The following RANBP3 variants were observed in gnomAD, a reference collection of about 807,000 sequenced individuals.
The protein encoded by RANBP3 is ran-binding protein 3.
RANBP3 carries 14 observed loss-of-function variants against 77.3 expected under a neutral mutation model. The ratio of observed to expected loss-of-function variants is 0.18; its 90% CI spans 0.12 to 0.28. RANBP3 has a LOEUF of 0.28. Among genes scored for constraint, RANBP3 ranks in the 10% least tolerant of loss-of-function variants. RANBP3 has a pLI of 1.00. For synonymous variants in RANBP3, 315 were observed against 312.4 expected (o/e 1.01, Z -0.09); for missense variants, 586 against 752.3 (o/e 0.78, Z 2.59).
intron 8 of RANBP3, among the ~76,000 whole-genome samples, chr19:5,929,887 C>G (rs1250947728): frequency 6.6e-6 from 1 of 152,220 alleles, no homozygotes; most frequent in Non-Finnish European, 1.5e-5. Context: ...GGCTTTGGAG[C>G]CAGACGCAGG....
intron 3 of RANBP3, among the ~76,000 whole-genome samples, chr19:5,942,711 A>AC (rs1329759328): frequency 2.6e-5 from 4 of 151,616 alleles, no homozygotes; most frequent in Non-Finnish European, 4.4e-5. Flanking sequence ...AAAAAAAAAA[A>AC]AAAAAAAAAC....
rs1343243224 is a variant in RANBP3 at position 5,931,402 on chromosome 19, A to G, written c.693+2T>C. The G allele has an allele frequency of 6.2e-6, 10 of 1,606,766 alleles. No individual in the cohort carries two copies. Among genetic ancestry groups the G allele is most frequent in the Non-Finnish European group, 8.5e-6 (10 of 1,175,006 alleles). On this transcript the variant is annotated splice_donor_variant, in intron 8 of 16. Transcript: ENST00000340578. LOFTEE classifies it high-confidence loss of function. ...CGCTTCCCTGCCTCAGGACCCACTG[A>G]CCTCAAGTGCACACACCTCATCGGC... is the stretch of plus-strand genomic sequence containing the variant.
chr19:5,925,766 C>CG, intron 9 of RANBP3, 29 bp from the exon 10 acceptor site: 1 of 1,546,286 alleles, frequency 6.5e-7, no homozygotes, highest in Admixed American at 1.7e-5. Flanking sequence ...GCTCAGTAAT[C>CG]GGGGGTGGGG....
chr19:5,958,013 T>C lies in RANBP3; in HGVS notation c.23-40A>G. 3 of 1,565,984 alleles carry C rather than the reference T, an allele frequency of 1.9e-6. No individual in the cohort carries two copies. Among genetic ancestry groups the C allele is most frequent in the South Asian group, 1.1e-5 (1 of 89,984 alleles). Reference sequence around the variant, plus strand: ...ATTAGTTTTTTTCCCCCCAACACTATATGCATACAGTAAACAAAGCTACAC... The same window carrying C: ...ATTAGTTTTTTTCCCCCCAACACTACATGCATACAGTAAACAAAGCTACAC... On this transcript the variant is annotated intron_variant, in intron 1 of 16. Transcript: ENST00000340578. The surrounding 1 kb of genome is among the most constrained non-coding windows in gnomAD (Gnocchi z 4.4).
At position 5,931,551 on chromosome 19, in the gene RANBP3, T is replaced by C. The variant is rs1353151466; in HGVS notation, c.566-20A>G. ...TGGGGACTGTGGGAGGGAAGGAGAG[T>C]GGGGAATCACAGGTGCTTGGCGGCC... On this transcript the variant is annotated intron_variant, in intron 7 of 16. Coordinates refer to ENST00000340578, the MANE Select transcript of RANBP3 (RefSeq NM_007322.3). The C allele has an allele frequency of 1.5e-5, 24 of 1,593,246 alleles. No individual in the cohort carries two copies. Among genetic ancestry groups the C allele is most frequent in the Non-Finnish European group, 2.0e-5 (23 of 1,166,592 alleles).
chr19:5,968,961 A>T (rs904708991), intron 1 of RANBP3, among the ~76,000 whole-genome samples: 10 of 152,122 alleles, frequency 6.6e-5, no homozygotes, highest in African/African-American at 1.7e-4. Flanking sequence ...GGATGGTGGG[A>T]GAGAGTGAGT....
At chr19:5,941,519 G>A in intron 5 of RANBP3, 102 bp downstream of exon 5, 1 of 1,058,056 alleles carries the variant, frequency 9.5e-7, no homozygotes. Flanking sequence ...TCTAACCGGA[G>A]CTGGGCAGGA....
In RANBP3 at chr19:5,917,898, T is replaced by G. The variant is rs760837079; in HGVS notation, c.1556A>C (p.Gln519Pro). ...LALRSRVEQE[Q>P]EAKMPAPEPG... ...CTCAGGCGCGGGCATCTTGGCCTCC[T>G]GCTCCTGCTCCACGCGGCTGCGCAG... The change falls in exon 16 of 17, where the codon CAG becomes CCG. Residue 519 changes from glutamine (Q) to proline (P), a missense_variant. Around this residue, in one of 5 missense-constraint regions of RANBP3, gnomAD observed 128 missense variants for 157.0 expected, o/e 0.82. Transcript: ENST00000340578. The G allele has an allele frequency of 1.2e-6, 2 of 1,613,012 alleles. No individual in the cohort carries two copies. The highest frequency in any genetic ancestry group is 1.3e-5 in the African/African-American group (1 of 75,064).
At chr19:5,943,648 G>A (rs2058167466) in intron 3 of RANBP3, among the ~76,000 whole-genome samples, 1 of 152,170 alleles carries the variant, frequency 6.6e-6, no homozygotes, top group Admixed American at 6.5e-5. Context: ...GACAACATGG[G>A]TTTGTGTGGG....
chr19:5,918,688 C>T (rs769263764), intron 14 of RANBP3, 50 bp from the exon 15 acceptor site: 5 of 1,595,150 alleles, frequency 3.1e-6, no homozygotes, highest in Non-Finnish European at 2.6e-6. Flanking sequence ...GGCCCCCTCA[C>T]AAACAGCCAG....
chr19:5,917,557 G>A lies in RANBP3; in HGVS notation c.*53C>T, dbSNP rs557592588. The A allele has an allele frequency of 9.9e-6, 15 of 1,508,872 alleles. 1 individual carries two copies. Among genetic ancestry groups the A allele is most frequent in the South Asian group, 8.8e-5 (7 of 79,666 alleles). 93.5% of individuals were successfully genotyped at this position (1,508,872 alleles called of 1,614,324 possible). On this transcript the variant is annotated 3_prime_UTR_variant, in exon 17 of 17. Transcript: ENST00000340578. ...GCCGGTGGGGTGGGGGCGGGTGGGC[G>A]GGTGGATAGACGGACAAAGCAGCAG...
rs754314975 is a variant in RANBP3 at position 5,924,803 on chromosome 19, A to T, written c.996+24T>A. 2 of 1,607,040 alleles carry T rather than the reference A, an allele frequency of 1.2e-6. No individual in the cohort carries two copies. Among genetic ancestry groups the T allele is most frequent in the South Asian group, 2.2e-5 (2 of 90,942 alleles). On this transcript the variant is annotated intron_variant, in intron 11 of 16. Transcript: ENST00000340578. This position sits in a 1 kb window ranked among gnomAD's most constrained non-coding sequence, Gnocchi z 4.7. ...GCGCCGAGAGCCTCTGGTCCCTGAGAACATTCCCAACACAGCCACTCACCA... is the reference window on the plus strand; with the variant it reads ...GCGCCGAGAGCCTCTGGTCCCTGAGTACATTCCCAACACAGCCACTCACCA...
At chr19:5,953,204 C>T (rs2058296190) in intron 2 of RANBP3, among the ~76,000 whole-genome samples, 1 of 152,184 alleles carries the variant, frequency 6.6e-6, no homozygotes, top group African/African-American at 2.4e-5. Flanking sequence ...CTTCCTCTCT[C>T]AGATGGGAGA....
At chr19:5,917,747 CG>C (rs768987334) in intron 16 of RANBP3, 46 bp downstream of exon 16, 7 of 1,584,000 alleles carry the variant, frequency 4.4e-6, no homozygotes, top group South Asian at 1.1e-5. Context: ...TCAAGGATGG[CG>C]GGCAGCTCTT....
At chr19:5,963,974 T>A (rs2058434104) in intron 1 of RANBP3, among the ~76,000 whole-genome samples, 1 of 150,546 alleles carries the variant, frequency 6.6e-6, no homozygotes, top group East Asian at 2.0e-4. Flanking sequence ...CCAGGGAGAG[T>A]CCCCTGCTGC....
intron 2 of RANBP3, 82 bp from the exon 3 acceptor site, chr19:5,951,678 C>G (rs2058278236): frequency 6.1e-6 from 8 of 1,301,854 alleles, no homozygotes; most frequent in African/African-American, 5.9e-5. Context: ...GGGTCAGAGG[C>G]TGGAGCTGGC....
intron 3 of RANBP3, among the ~76,000 whole-genome samples, chr19:5,948,342 C>T (rs1272340690): frequency 6.6e-6 from 1 of 152,028 alleles, no homozygotes; most frequent in Non-Finnish European, 1.5e-5. Context: ...GTCCCAGCTA[C>T]TCAGGAGGCT....
chr19:5,954,346 T>C (rs2058310530), intron 2 of RANBP3, among the ~76,000 whole-genome samples: 2 of 152,108 alleles, frequency 1.3e-5, no homozygotes, highest in Admixed American at 1.3e-4. Flanking sequence ...GAGGGGCAAT[T>C]AGGACAATTT....
intron 7 of RANBP3, 116 bp from the exon 8 acceptor site, chr19:5,931,647 C>A: frequency 9.0e-7 from 1 of 1,108,258 alleles, no homozygotes; most frequent in East Asian, 2.6e-5. Flanking sequence ...TGGTAAAGCC[C>A]ACAGCACATG....
Sources: gnomAD v4.1 joint callset for allele counts (sites outside exome capture counted in the v4.1 genomes callset) on GRCh38, gnomAD v4.1.1 for gene constraint, gnomAD v4.1.1 regional missense constraint, Gnocchi (gnomAD v3.1) non-coding constraint, MANE v1.5 for transcripts, NCBI Gene and HGNC (gene_info 2026-07-23, HGNC 2026-07-21) for gene names.